The following HYCC2 variants were observed in gnomAD, a reference collection of about 807,000 sequenced individuals.
HYCC2 encodes the protein hyccin PI4KA lipid kinase complex subunit 2, also known as hyccin 2.
the HYCC2 span, among the ~76,000 whole-genome samples, chr2:201,004,216 T>TG: frequency 6.6e-6 from 1 of 152,118 alleles, no homozygotes; most frequent in African/African-American, 2.4e-5. Context: ...GGTGCCTGTA[T>TG]GGAAAAAAAC....
At chr2:200,987,296 G>T in the HYCC2 span, 1 of 1,218,076 alleles carries the variant, frequency 8.2e-7, no homozygotes, top group Non-Finnish European at 1.1e-6. Flanking sequence ...GCTCTGCTTG[G>T]GGATAGAGAG....
the HYCC2 span, among the ~76,000 whole-genome samples, chr2:200,987,743 G>A: frequency 6.6e-6 from 1 of 152,090 alleles, no homozygotes. Flanking sequence ...AGAAAAATCA[G>A]GATCATTAAA....
chr2:200,981,503 T>C, the HYCC2 span: 3 of 1,614,222 alleles, frequency 1.9e-6, no homozygotes, highest in Admixed American at 1.7e-5. This position sits in a 1 kb window ranked among gnomAD's most constrained non-coding sequence, Gnocchi z 4.5. Context: ...AATGATTTAC[T>C]TGAGGAAGCA....
chr2:201,030,281 T>C, the HYCC2 span, among the ~76,000 whole-genome samples: 23 of 152,108 alleles, frequency 1.5e-4, no homozygotes, highest in African/African-American at 5.1e-4. Context: ...ATTACCTCTA[T>C]AGTTTTACAA....
chr2:201,051,899 G>A, the HYCC2 span, among the ~76,000 whole-genome samples: 2 of 152,232 alleles, frequency 1.3e-5, no homozygotes, highest in Non-Finnish European at 2.9e-5. Context: ...CCTCAATCAT[G>A]AGCCTAATAC....
the HYCC2 span, among the ~76,000 whole-genome samples, chr2:201,024,337 A>C: frequency 1.6e-3 from 239 of 152,016 alleles, 1 homozygote; most frequent in Non-Finnish European, 2.7e-3. Context: ...AAAATCAAGA[A>C]AATTAGCTGG....
At chr2:201,066,648 C>G in the HYCC2 span, 1 of 152,100 alleles carries the variant, frequency 6.6e-6, no homozygotes, top group Non-Finnish European at 1.5e-5. Flanking sequence ...TAGTAGCTAA[C>G]AAGTCTATAT....
At chr2:201,006,079 G>A in the HYCC2 span, among the ~76,000 whole-genome samples, 8 of 150,740 alleles carry the variant, frequency 5.3e-5, no homozygotes, top group South Asian at 1.7e-3. Context: ...TGATCCGCCT[G>A]CCTCAGCCTC....
the HYCC2 span, among the ~76,000 whole-genome samples, chr2:201,007,595 C>CTT: frequency 6.6e-6 from 1 of 152,180 alleles, no homozygotes; most frequent in Non-Finnish European, 1.5e-5. Flanking sequence ...GACATCTGGC[C>CTT]TTTGCTCCTA....
At chr2:200,985,388 C>T in the HYCC2 span, among the ~76,000 whole-genome samples, 1 of 152,024 alleles carries the variant, frequency 6.6e-6, no homozygotes, top group Non-Finnish European at 1.5e-5. Context: ...AGGCCAGGGG[C>T]GGTGGCTCAT....
the HYCC2 span, among the ~76,000 whole-genome samples, chr2:200,998,188 C>G: frequency 6.6e-6 from 1 of 152,156 alleles, no homozygotes; most frequent in Non-Finnish European, 1.5e-5. Flanking sequence ...AAAATCCACC[C>G]TCATCCTTCC....
chr2:201,035,645 G>A, the HYCC2 span, among the ~76,000 whole-genome samples: 1 of 152,174 alleles, frequency 6.6e-6, no homozygotes, highest in South Asian at 2.1e-4. Context: ...TTGCTGGTGA[G>A]GAGCTGCGTT....
At chr2:201,058,763 A>G in the HYCC2 span, among the ~76,000 whole-genome samples, 1 of 152,186 alleles carries the variant, frequency 6.6e-6, no homozygotes, top group Non-Finnish European at 1.5e-5. Flanking sequence ...TCTTATCACT[A>G]TGTCATGACA....
At chr2:201,004,813 C>T in the HYCC2 span, among the ~76,000 whole-genome samples, 5 of 152,134 alleles carry the variant, frequency 3.3e-5, no homozygotes, top group South Asian at 1.0e-3. Flanking sequence ...GTCAGGAGAT[C>T]GAGACCATCC....
At chr2:201,039,469 A>G in the HYCC2 span, among the ~76,000 whole-genome samples, 1 of 152,216 alleles carries the variant, frequency 6.6e-6, no homozygotes, top group African/African-American at 2.4e-5. Flanking sequence ...TATCGTCCAG[A>G]AATTTTTGAC....
the HYCC2 span, chr2:200,980,407 A>T: frequency 6.6e-6 from 1 of 152,416 alleles, no homozygotes; most frequent in Non-Finnish European, 1.5e-5. Context: ...GCCCCCACAA[A>T]ACCCCAGCAC....
chr2:201,069,756 TA>T, the HYCC2 span, among the ~76,000 whole-genome samples: 4 of 152,076 alleles, frequency 2.6e-5, no homozygotes, highest in Non-Finnish European at 5.9e-5. Flanking sequence ...CAAACATCAA[TA>T]AAAATTTTTA....
the HYCC2 span, among the ~76,000 whole-genome samples, chr2:201,012,671 G>C: frequency 6.6e-6 from 1 of 152,010 alleles, no homozygotes; most frequent in South Asian, 2.1e-4. Context: ...GCAGTCAGGC[G>C]TGGTGGCTCA....
chr2:201,000,845 C>A, the HYCC2 span, among the ~76,000 whole-genome samples: 5 of 151,866 alleles, frequency 3.3e-5, no homozygotes, highest in African/African-American at 4.8e-5. Flanking sequence ...GAGGGTGGGG[C>A]CTTTGCAGCT....
Sources: allele counts gnomAD v4.1 joint callset (sites outside exome capture counted in the v4.1 genomes callset), GRCh38; gene constraint gnomAD v4.1.1; non-coding constraint Gnocchi (gnomAD v3.1); transcripts MANE v1.5; gene names NCBI Gene and HGNC (gene_info 2026-07-23, HGNC 2026-07-21).